ADGRG4: variants seen among roughly 807,000 people sequenced by gnomAD.
The protein encoded by ADGRG4 is adhesion G protein-coupled receptor G4.
A neutral mutation model predicts 126.2 loss-of-function variants in ADGRG4; 122 were observed. That is an observed-to-expected ratio of 0.97 (90% CI 0.83 to 1.12). The LOEUF is 1.12. ADGRG4 is among the 50% of genes most tolerant of loss of function. ADGRG4 has a pLI of 0.00. For synonymous variants in ADGRG4, 943 were observed against 838.7 expected (o/e 1.12, Z -2.15); for missense variants, 2,481 against 2,251.8 (o/e 1.10, Z -2.06).
chrX:136,317,266 C>T (rs757571464), intron 4 of ADGRG4, among the ~76,000 whole-genome samples: 99 of 109,611 alleles, frequency 9.0e-4, no homozygotes, highest in Middle Eastern at 4.7e-3. Flanking sequence ...TTTGGGAGGC[C>T]GAGGCGGGTG....
intron 13 of ADGRG4, among the ~76,000 whole-genome samples, chrX:136,368,357 G>A (rs1469679639): frequency 8.9e-6 from 1 of 111,994 alleles, no homozygotes; most frequent in Non-Finnish European, 1.9e-5. Context: ...TTCCCTCTTT[G>A]TCAATTGGGA....
Position 136,349,264 on chromosome X carries a change from C to A in ADGRG4, c.5558C>A (p.Ser1853Tyr). ...TEAEISTPKTSPPPTSQMVEF... is the reference protein window; with the variant it reads ...TEAEISTPKTYPPPTSQMVEF... ...GCTGAGATCTCTACTCCAAAGACCT[C>A]TCCTCCTCCCACATCCCAAATGGTT... Residue 1853 changes from serine to tyrosine, a missense_variant, in exon 6 of 26, where the codon TCT (serine) becomes TAT (tyrosine). By Grantham distance (144) the Ser-to-Tyr change is moderately radical (BLOSUM62 -2). Coordinates refer to ENST00000394143, the MANE Select transcript of ADGRG4 (RefSeq NM_153834.4). The A allele has an allele frequency of 1.7e-6, 2 of 1,200,734 alleles. No individual in the cohort carries two copies. The highest frequency in any genetic ancestry group is 2.3e-6 in the Non-Finnish European group (2 of 886,048).
intron 5 of ADGRG4, among the ~76,000 whole-genome samples, chrX:136,333,592 A>C (rs1426584942): frequency 9.0e-6 from 1 of 111,705 alleles, no homozygotes; most frequent in East Asian, 2.8e-4. Context: ...ATCTCAGCTC[A>C]CTGCAACTTC....
At chrX:136,415,387 G>T (rs974846152) in intron 25 of ADGRG4, among the ~76,000 whole-genome samples, 5 of 111,320 alleles carry the variant, frequency 4.5e-5, no homozygotes, top group Non-Finnish European at 3.8e-5. Flanking sequence ...TCACTTCTCT[G>T]CTTGGAGCTA....
chrX:136,335,596 A>G (rs2074943890), intron 5 of ADGRG4, among the ~76,000 whole-genome samples: 1 of 111,489 alleles, frequency 9.0e-6, no homozygotes, highest in Admixed American at 9.5e-5. Flanking sequence ...GCTTTGGTAA[A>G]TTATGGGTTT....
At chrX:136,313,192 A>G (rs960318054) in intron 4 of ADGRG4, among the ~76,000 whole-genome samples, 1 of 112,371 alleles carries the variant, frequency 8.9e-6, no homozygotes, top group Non-Finnish European at 1.9e-5. Context: ...TGGCAGAGTC[A>G]AATGTAACTT....
chrX:136,363,495 G>A lies in ADGRG4; in HGVS notation c.7296G>A (p.Thr2432=), dbSNP rs745535076. 2.5e-5 allele frequency: 30 copies of A among 1,189,794 alleles called. No homozygotes were observed. Among genetic ancestry groups the A allele is most frequent in the South Asian group, 7.1e-5 (4 of 56,232 alleles). Residue 2432 remains threonine (T), a synonymous_variant, in exon 13 of 26, where the codon ACG becomes ACA. Transcript: ENST00000394143. ...ATRFCSISIN[T]GKSQWEKPKF... ...TTTTCAGTTCAATCAGCATCAACACGGGCAAATCTCAGTGGGAAAAGCCAA... is the reference window on the plus strand; with the variant it reads ...TTTTCAGTTCAATCAGCATCAACACAGGCAAATCTCAGTGGGAAAAGCCAA...
At chrX:136,401,140 C>T (rs916624593) in intron 21 of ADGRG4, among the ~76,000 whole-genome samples, 1 of 111,710 alleles carries the variant, frequency 9.0e-6, no homozygotes, top group Middle Eastern at 4.2e-3. Flanking sequence ...CAGAGACAGG[C>T]AAATACTGAA....
At chrX:136,315,045 T>C (rs1046562149) in intron 4 of ADGRG4, among the ~76,000 whole-genome samples, 1 of 111,280 alleles carries the variant, frequency 9.0e-6, no homozygotes, top group African/African-American at 3.3e-5. Flanking sequence ...GAGGAAGGGA[T>C]GTGTTGGACA....
In ADGRG4 at chrX:136,361,687, T is replaced by C. The variant is rs1266691524; in HGVS notation, c.7277+100T>C. ...CATTTGTCTGAGCATGCTCCCTTCC[T>C]CCACCTCTAGTGCCAGTCTTTCTTT... On this transcript the variant is annotated intron_variant, in intron 12 of 25. Transcript: ENST00000394143. The C allele has an allele frequency of 1.3e-5, 7 of 559,836 alleles. No homozygotes were observed. In the Admixed American group the frequency reaches 2.5e-4, roughly 20 times the overall value. 46.1% of individuals were successfully genotyped at this position (559,836 alleles called of 1,213,427 possible). A position where few individuals can be genotyped will look rare whatever the true frequency, so the allele number is the denominator to read the frequency against.
chrX:136,397,171 C>T (rs1052912598), intron 19 of ADGRG4, among the ~76,000 whole-genome samples: 2 of 111,121 alleles, frequency 1.8e-5, no homozygotes, highest in East Asian at 5.7e-4. Flanking sequence ...CACTAGATGC[C>T]AGTAGCACTC....
At position 136,399,976 on chromosome X, in the gene ADGRG4, C is replaced by T; in HGVS notation, c.8435C>T (p.Ala2812Val). The T allele has an allele frequency of 3.3e-6, 4 of 1,211,232 alleles. No individual in the cohort carries two copies. The highest frequency in any genetic ancestry group is 1.7e-5 in the African/African-American group (1 of 57,853). Residue 2812 changes from alanine to valine, a missense_variant, in exon 21 of 26, where the codon GCT becomes GTT. Transcript: ENST00000394143. ...SFQKVGVCIT[A>V]AVALHYFLLV... ...CAGAAAGTGGGAGTTTGTATCACAGCTGCAGTGGCACTTCATTACTTCCTG... is the reference window on the plus strand; with the variant it reads ...CAGAAAGTGGGAGTTTGTATCACAGTTGCAGTGGCACTTCATTACTTCCTG...
chrX:136,351,530 A>G lies in ADGRG4; in HGVS notation c.6811A>G (p.Thr2271Ala). 1 of 1,096,497 alleles carries G rather than the reference A, an allele frequency of 9.1e-7. No homozygotes were observed. The highest frequency in any genetic ancestry group is 1.2e-6 in the Non-Finnish European group (1 of 810,586). 90.4% of individuals were successfully genotyped at this position (1,096,497 alleles called of 1,213,427 possible). A position where few individuals can be genotyped will look rare whatever the true frequency, so the allele number is the denominator to read the frequency against. ...TATTACCAGTGTTATAAATGAATTT[A>G]CGGAAAATTCGGTAAAATAATCTTT... ...IPITSVINEF[T>A]ENSLNSIFQN... Residue 2271 changes from threonine (T) to alanine (A), a missense_variant, in exon 7 of 26, where the codon ACG becomes GCG. Physicochemically the swap from Thr to Ala is moderately conservative, Grantham distance 58 (BLOSUM62 0). Transcript: ENST00000394143.
In ADGRG4 at chrX:136,308,793, A is replaced by G; in HGVS notation, c.16A>G (p.Ile6Val). The G allele has an allele frequency of 8.6e-7, 1 of 1,168,741 alleles. No individual in the cohort carries two copies. The highest frequency in any genetic ancestry group is 1.2e-6 in the Non-Finnish European group (1 of 857,353). MKEHI[I>V]YQKLYGLILM... ...GACTTAGACAATGAAAGAACACATC[A>G]TATATCAGAAGCTTTATGGATTGAT... is the stretch of plus-strand genomic sequence containing the variant. The change falls in exon 4 of 26, where the codon ATA becomes GTA. Residue 6 changes from isoleucine to valine, a missense_variant. Ile to Val is a conservative substitution (Grantham distance 29). Transcript: ENST00000394143.
At chrX:136,394,465 C>A (rs2075336020) in intron 18 of ADGRG4, among the ~76,000 whole-genome samples, 1 of 111,888 alleles carries the variant, frequency 8.9e-6, no homozygotes, top group Non-Finnish European at 1.9e-5. Flanking sequence ...AATGGAAATT[C>A]TCTTCCCATT....
At position 136,322,978 on chromosome X, in the gene ADGRG4, G is replaced by A; in HGVS notation, c.271G>A (p.Gly91Arg). ...CCTGGGCAGAGAAGACATAGACCTT[G>A]GACTTGCAGGAGACCATCAGCAGCT... ...ALLGREDIDL[G>R]LAGDHQQLIL... Residue 91 changes from glycine (G) to arginine (R), a missense_variant, in exon 5 of 26, where the codon GGA (glycine) becomes AGA (arginine). Gly to Arg is a moderately radical substitution (Grantham distance 125). Transcript: ENST00000394143. 2 of 1,211,213 alleles carry A rather than the reference G, an allele frequency of 1.7e-6. No individual in the cohort carries two copies. Among genetic ancestry groups the A allele is most frequent in the Non-Finnish European group, 2.2e-6 (2 of 894,958 alleles).
At chrX:136,309,514 A>G (rs1460519550) in intron 4 of ADGRG4, among the ~76,000 whole-genome samples, 1 of 112,443 alleles carries the variant, frequency 8.9e-6, no homozygotes, top group Non-Finnish European at 1.9e-5. Context: ...TTGCTTATTT[A>G]GCACATAAGT....
chrX:136,357,662 GT>G, intron 9 of ADGRG4, 41 bp from the exon 10 acceptor site: 1 of 956,161 alleles, frequency 1.0e-6, no homozygotes, highest in Non-Finnish European at 1.5e-6. Context: ...TATGACATTT[GT>G]TTAAAGATTT....
In ADGRG4 at chrX:136,349,008, TC is replaced by T; in HGVS notation, c.5306del (p.Pro1769HisfsTer3). ...CCATACTTCCTTCAATATTCAGGTT[TC>T]CCCATCTCTGACTAGCTTTAAGAGT... ...SLHTSFNIQV[S>X]PSLTSFKSAS... On this transcript the variant is annotated frameshift_variant, in exon 6 of 26. Transcript: ENST00000394143. LOFTEE classifies it high-confidence loss of function. 1 of 1,207,075 alleles carries T rather than the reference TC, an allele frequency of 8.3e-7. No homozygotes were observed.
Sources: allele counts gnomAD v4.1 joint callset (sites outside exome capture counted in the v4.1 genomes callset), GRCh38; gene constraint gnomAD v4.1.1; transcripts MANE v1.5; gene names NCBI Gene and HGNC (gene_info 2026-07-23, HGNC 2026-07-21).